IL1RAPL2: variants seen among roughly 807,000 people sequenced by gnomAD.
IL1RAPL2 encodes the protein interleukin 1 receptor accessory protein like 2, also known as X-linked interleukin-1 receptor accessory protein-like 2.
In IL1RAPL2, 3 loss-of-function variants were observed where a neutral mutation model predicts 44.1. The ratio of observed to expected loss-of-function variants is 0.07; its 90% CI spans 0.03 to 0.18. IL1RAPL2 has a LOEUF of 0.18. IL1RAPL2 is among the 10% of genes least tolerant of loss of function. The pLI is 1.00. For missense variants in IL1RAPL2, 391 were observed against 496.4 expected, an observed-to-expected ratio of 0.79 and a Z score of 2.02; for synonymous variants, 181 against 178.8, an observed-to-expected ratio of 1.01 and a Z score of -0.10.
At chrX:105,203,107 A>G (rs2033731793) in intron 3 of IL1RAPL2, among the ~76,000 whole-genome samples, 1 of 111,756 alleles carries the variant, frequency 8.9e-6, no homozygotes, top group African/African-American at 3.3e-5. Flanking sequence ...ACTGGCATCT[A>G]TACCTACATA....
In IL1RAPL2 at chrX:105,411,791, G is replaced by A. The variant is rs56149207; in HGVS notation, c.698-72522G>A. On this transcript the variant is annotated intron_variant, in intron 5 of 10. Transcript: ENST00000372582. Reference sequence around the variant, plus strand: ...AGAAACGTTGAACTTAAACTATATCGTAGACCAAATGTATCTAACAAACAT... The same window carrying A: ...AGAAACGTTGAACTTAAACTATATCATAGACCAAATGTATCTAACAAACAT... 3.2e-3 allele frequency among the ~76,000 whole-genome samples: 352 copies of A among 111,611 alleles called. 1 individual carries two copies. The highest frequency in any genetic ancestry group is 5.9e-3 in the South Asian group (16 of 2,704).
intron 7 of IL1RAPL2, among the ~76,000 whole-genome samples, chrX:105,736,106 A>C (rs967516671): frequency 9.0e-6 from 1 of 111,648 alleles, no homozygotes; most frequent in Non-Finnish European, 1.9e-5. Flanking sequence ...CAAAGTTGAC[A>C]AAAGCAAGCA....
chrX:105,599,235 G>A (rs2037233422), intron 6 of IL1RAPL2, among the ~76,000 whole-genome samples: 2 of 112,075 alleles, frequency 1.8e-5, no homozygotes, highest in Admixed American at 1.9e-4. Flanking sequence ...TGGCAAGACA[G>A]ACTGAATTGC....
At chrX:104,961,206 G>C (rs1040382006) in intron 2 of IL1RAPL2, among the ~76,000 whole-genome samples, 4 of 111,576 alleles carry the variant, frequency 3.6e-5, no homozygotes, top group African/African-American at 1.3e-4. Context: ...ACATCCTTCT[G>C]CCTACAGTGG....
At chrX:104,696,765 T>C (rs1286299372) in intron 2 of IL1RAPL2, among the ~76,000 whole-genome samples, 1 of 111,782 alleles carries the variant, frequency 8.9e-6, no homozygotes, top group Non-Finnish European at 1.9e-5. Context: ...AGTTCCTGAC[T>C]AAGTGAGGTA....
At chrX:105,542,212 C>T (rs996055387) in intron 6 of IL1RAPL2, among the ~76,000 whole-genome samples, 3 of 112,085 alleles carry the variant, frequency 2.7e-5, no homozygotes, top group African/African-American at 9.7e-5. Flanking sequence ...ATCTGTACTT[C>T]TCTTGTGGAG....
chrX:104,902,405 G>C (rs1923847393), intron 2 of IL1RAPL2, among the ~76,000 whole-genome samples: 1 of 111,574 alleles, frequency 9.0e-6, no homozygotes, highest in African/African-American at 3.3e-5. Flanking sequence ...TTTGTTCTTT[G>C]AACTCTGACA....
At chrX:104,843,073 G>A (rs1921953240) in intron 2 of IL1RAPL2, among the ~76,000 whole-genome samples, 1 of 111,857 alleles carries the variant, frequency 8.9e-6, no homozygotes, top group African/African-American at 3.3e-5. Context: ...CACCTGACTG[G>A]GGCTGCTGCA....
intron 2 of IL1RAPL2, among the ~76,000 whole-genome samples, chrX:105,028,187 T>A (rs923376638): frequency 1.5e-4 from 17 of 110,666 alleles, no homozygotes; most frequent in African/African-American, 4.6e-4. Context: ...GGAAGGGTGG[T>A]GGAGAGCTGG....
intron 6 of IL1RAPL2, among the ~76,000 whole-genome samples, chrX:105,632,307 C>G (rs1272686285): frequency 8.9e-6 from 1 of 111,762 alleles, no homozygotes; most frequent in East Asian, 2.8e-4. Flanking sequence ...GTGAATCACT[C>G]TTCTAGGCTT....
chrX:104,867,585 T>C (rs1334003181), intron 2 of IL1RAPL2, among the ~76,000 whole-genome samples: 1 of 111,763 alleles, frequency 8.9e-6, no homozygotes, highest in Non-Finnish European at 1.9e-5. Context: ...GGGTTGAGTC[T>C]GGAGATATTG....
chrX:105,288,454 A>G (rs2034587682), intron 5 of IL1RAPL2, among the ~76,000 whole-genome samples: 2 of 109,474 alleles, frequency 1.8e-5, no homozygotes, highest in Non-Finnish European at 3.8e-5. Context: ...ATATATTTCC[A>G]TTTAATTCTT....
At chrX:104,697,754 A>T (rs1164759364) in intron 2 of IL1RAPL2, among the ~76,000 whole-genome samples, 1 of 112,384 alleles carries the variant, frequency 8.9e-6, no homozygotes, top group Non-Finnish European at 1.9e-5. Context: ...ATGAGAACAT[A>T]AAAAAGATGT....
At chrX:104,998,220 A>G (rs2030783273) in intron 2 of IL1RAPL2, among the ~76,000 whole-genome samples, 1 of 112,031 alleles carries the variant, frequency 8.9e-6, no homozygotes, top group East Asian at 2.9e-4. Context: ...CAACTAACTT[A>G]TATGGTGTTG....
intron 10 of IL1RAPL2, among the ~76,000 whole-genome samples, chrX:105,759,435 G>C (rs2038668414): frequency 1.8e-5 from 2 of 112,127 alleles, no homozygotes; most frequent in African/African-American, 3.2e-5. Flanking sequence ...TTTATAGAAA[G>C]ACTATGAGGA....
At chrX:105,361,069 A>G (rs891948645) in intron 5 of IL1RAPL2, among the ~76,000 whole-genome samples, 3 of 111,630 alleles carry the variant, frequency 2.7e-5, no homozygotes, top group African/African-American at 9.8e-5. Context: ...AAATTAATCA[A>G]GAGAGAATGT....
At chrX:104,874,456 C>T (rs1020498844) in intron 2 of IL1RAPL2, among the ~76,000 whole-genome samples, 5 of 109,483 alleles carry the variant, frequency 4.6e-5, no homozygotes, top group Non-Finnish European at 7.6e-5. Context: ...TGGCAATGCT[C>T]GTCCTCTACC....
intron 2 of IL1RAPL2, among the ~76,000 whole-genome samples, chrX:105,024,581 G>A (rs1459187304): frequency 9.0e-6 from 1 of 111,281 alleles, no homozygotes. Context: ...CGACATTGCT[G>A]GTTTTGTTGT....
intron 2 of IL1RAPL2, among the ~76,000 whole-genome samples, chrX:105,047,984 A>G (rs2031863908): frequency 8.9e-6 from 1 of 111,788 alleles, no homozygotes; most frequent in Non-Finnish European, 1.9e-5. Context: ...TGGTGACTCA[A>G]CAGCCTGAAG....
Sources: gnomAD v4.1 joint callset for allele counts (sites outside exome capture counted in the v4.1 genomes callset) on GRCh38, gnomAD v4.1.1 for gene constraint, MANE v1.5 for transcripts, NCBI Gene and HGNC (gene_info 2026-07-23, HGNC 2026-07-21) for gene names.